ZNF804A: variants seen among roughly 807,000 people sequenced by gnomAD.
ZNF804A encodes the protein zinc finger protein 804A.
In ZNF804A, 2 loss-of-function variants were observed where a neutral mutation model predicts 16.5. That is an observed-to-expected ratio of 0.12 (90% CI 0.05 to 0.38). The LOEUF is 0.38. ZNF804A is among the 10% of genes least tolerant of loss of function. ZNF804A has a pLI of 0.99. For synonymous variants in ZNF804A, 534 were observed against 489.6 expected, an observed-to-expected ratio of 1.09 and a Z score of -1.20; for missense variants, 1,473 against 1,390.7, an observed-to-expected ratio of 1.06 and a Z score of -0.94.
chr2:184,760,123 TC>T (rs1694019701), intron 1 of ZNF804A, among the ~76,000 whole-genome samples: 1 of 152,104 alleles, frequency 6.6e-6, no homozygotes, highest in African/African-American at 2.4e-5. Flanking sequence ...CATTTTCACT[TC>T]TTTTGTGATT....
intron 2 of ZNF804A, among the ~76,000 whole-genome samples, chr2:184,880,171 C>T (rs537937285): frequency 2.0e-4 from 31 of 151,932 alleles, no homozygotes; most frequent in Admixed American, 5.3e-4. Context: ...AATAAAATCC[C>T]TTCTACCCCA....
chr2:184,644,800 C>A (rs1691847246), intron 1 of ZNF804A, among the ~76,000 whole-genome samples: 1 of 151,874 alleles, frequency 6.6e-6, no homozygotes, highest in African/African-American at 2.4e-5. Flanking sequence ...CAAAAGAGAC[C>A]ATGTTAAGGA....
intron 2 of ZNF804A, among the ~76,000 whole-genome samples, chr2:184,918,308 T>C (rs1685481706): frequency 1.3e-5 from 2 of 152,182 alleles, no homozygotes; most frequent in South Asian, 4.1e-4. Flanking sequence ...ATAATTAATA[T>C]GTCTCTTGAT....
chr2:184,737,606 A>G (rs1693647395), intron 1 of ZNF804A, among the ~76,000 whole-genome samples: 2 of 152,154 alleles, frequency 1.3e-5, no homozygotes, highest in African/African-American at 4.8e-5. Context: ...CTTGATTTTA[A>G]TTAATAAATA....
intron 3 of ZNF804A, among the ~76,000 whole-genome samples, chr2:184,934,167 A>C (rs1559007477): frequency 6.6e-6 from 1 of 152,076 alleles, no homozygotes; most frequent in Non-Finnish European, 1.5e-5. Flanking sequence ...TTTTCTAAAA[A>C]AGGATAAGAA....
chr2:184,749,941 T>A (rs1305844165), intron 1 of ZNF804A, among the ~76,000 whole-genome samples: 1 of 151,310 alleles, frequency 6.6e-6, no homozygotes. Context: ...CTTACTGCTG[T>A]CAGAACATTT....
In ZNF804A at chr2:184,936,300, G is replaced by A. The variant is rs866252392; in HGVS notation, c.904G>A (p.Glu302Lys). 6.2e-7 allele frequency: 1 copy of A among 1,613,770 alleles called. No homozygotes were observed. Among genetic ancestry groups the A allele is most frequent in the South Asian group, 1.1e-5 (1 of 91,076 alleles). The part of the protein sequence containing the change: ...QTQEIKEVSS[E>K]KDALLLPSFC... ...TCAAGAGATAAAAGAAGTCTCTAGT[G>A]AAAAAGATGCATTATTATTACCTTC... is the stretch of plus-strand genomic sequence containing the variant. Residue 302 changes from glutamate (E) to lysine (K), a missense_variant, in exon 4 of 4, where the codon GAA (glutamate) becomes AAA (lysine). Coordinates refer to ENST00000302277, the MANE Select transcript of ZNF804A (RefSeq NM_194250.2).
At chr2:184,711,788 T>C (rs1371994451) in intron 1 of ZNF804A, among the ~76,000 whole-genome samples, 1 of 151,778 alleles carries the variant, frequency 6.6e-6, no homozygotes, top group Non-Finnish European at 1.5e-5. Flanking sequence ...CAGTTGACCA[T>C]ACATATATGG....
chr2:184,604,020 A>G (rs993706576), intron 1 of ZNF804A, among the ~76,000 whole-genome samples: 5 of 152,116 alleles, frequency 3.3e-5, no homozygotes, highest in African/African-American at 7.2e-5. Flanking sequence ...ATTCATGATT[A>G]CCACATACTT....
At chr2:184,913,460 C>T (rs1026855640) in intron 2 of ZNF804A, among the ~76,000 whole-genome samples, 6 of 152,140 alleles carry the variant, frequency 3.9e-5, no homozygotes, top group Non-Finnish European at 8.8e-5. Context: ...CCACTAGCAA[C>T]AACTCCCTCA....
intron 1 of ZNF804A, among the ~76,000 whole-genome samples, chr2:184,861,174 T>C (rs1695795314): frequency 6.6e-6 from 1 of 152,178 alleles, no homozygotes; most frequent in South Asian, 2.1e-4. Flanking sequence ...TGTTGGGATC[T>C]GAAGCAAAGT....
rs752213044 is a variant in ZNF804A, at chr2:184,937,834, G to A, written c.2438G>A (p.Arg813Lys). Residue 813 changes from arginine to lysine, a missense_variant, in exon 4 of 4, where the codon AGG (arginine) becomes AAG (lysine). Physicochemically the swap from Arg to Lys is conservative, Grantham distance 26 (BLOSUM62 2). Transcript: ENST00000302277. ...VAPCKPKKKR[R>K]RKRGRFHPGF... Reference sequence around the variant, plus strand: ...CCCTGCAAGCCTAAAAAGAAACGGAGGCGAAAAAGAGGCAGATTCCACCCC... The same window carrying A: ...CCCTGCAAGCCTAAAAAGAAACGGAAGCGAAAAAGAGGCAGATTCCACCCC... The A allele has an allele frequency of 3.7e-6, 6 of 1,614,048 alleles. No homozygotes were observed. In the South Asian group the frequency reaches 4.4e-5, roughly 12 times the overall value.
chr2:184,866,876 T>C lies in ZNF804A; in HGVS notation c.255+364T>C, dbSNP rs185431253. Among the ~76,000 whole-genome samples the C allele has an allele frequency of 3.7e-4, 55 of 150,462 alleles. No homozygotes were observed. In the East Asian group the frequency reaches 8.5e-3, roughly 23 times the overall value. On this transcript the variant is annotated intron_variant, in intron 2 of 3. Coordinates refer to ENST00000302277, the MANE Select transcript of ZNF804A (RefSeq NM_194250.2). ...ATTTATGCATTATATTATATATTTA[T>C]TGCATGTTATTTATAAATCTAATAT...
At chr2:184,743,617 ATATT>A (rs1693740342) in intron 1 of ZNF804A, among the ~76,000 whole-genome samples, 1 of 151,978 alleles carries the variant, frequency 6.6e-6, no homozygotes, top group Non-Finnish European at 1.5e-5. Context: ...GCATGACACT[ATATT>A]TAGTAGGCTC....
chr2:184,642,132 C>T (rs1326976785), intron 1 of ZNF804A, among the ~76,000 whole-genome samples: 1 of 152,132 alleles, frequency 6.6e-6, no homozygotes, highest in African/African-American at 2.4e-5. Context: ...CAAATACATA[C>T]AAATTGAAAT....
intron 1 of ZNF804A, among the ~76,000 whole-genome samples, chr2:184,705,043 G>A (rs1284091275): frequency 6.6e-6 from 1 of 152,122 alleles, no homozygotes. Context: ...TATAAATTGG[G>A]CAAGAAATGA....
At chr2:184,811,142 C>T (rs983811027) in intron 1 of ZNF804A, among the ~76,000 whole-genome samples, 5 of 152,196 alleles carry the variant, frequency 3.3e-5, no homozygotes, top group African/African-American at 7.2e-5. Context: ...GGGGATGGCA[C>T]GCTATGGAGG....
intron 1 of ZNF804A, among the ~76,000 whole-genome samples, chr2:184,727,112 C>T (rs1361367950): frequency 1.3e-5 from 2 of 151,452 alleles, no homozygotes; most frequent in Non-Finnish European, 1.5e-5. Flanking sequence ...TTATATTTTT[C>T]AGAACATATG....
intron 1 of ZNF804A, among the ~76,000 whole-genome samples, chr2:184,796,798 G>A (rs1349556248): frequency 6.6e-6 from 1 of 152,114 alleles, no homozygotes; most frequent in Non-Finnish European, 1.5e-5. Context: ...CGACTTTGCT[G>A]TATCCCAGAG....
Sources: gnomAD v4.1 joint callset for allele counts (sites outside exome capture counted in the v4.1 genomes callset) on GRCh38, gnomAD v4.1.1 for gene constraint, MANE v1.5 for transcripts, NCBI Gene and HGNC (gene_info 2026-07-23, HGNC 2026-07-21) for gene names.